The following VPS13B variants were observed in gnomAD, a reference collection of about 807,000 sequenced individuals.
VPS13B encodes the protein vacuolar protein sorting 13 homolog B, also known as intermembrane lipid transfer protein VPS13B.
Under a neutral mutation model 426.4 loss-of-function variants are expected in VPS13B, and 285 were observed. That is an observed-to-expected ratio of 0.67 (90% CI 0.61 to 0.74). The LOEUF (loss-of-function observed/expected upper bound fraction) is 0.74, where lower values mean the gene tolerates loss of function less well. VPS13B is among the 30% of genes least tolerant of loss of function. VPS13B has a pLI of 0.00. For missense variants in VPS13B, 4,537 were observed against 4,782.6 expected, an observed-to-expected ratio of 0.95 and a Z score of 1.51; for synonymous variants, 1,676 against 1,676.4, an observed-to-expected ratio of 1.00 and a Z score of 0.01.
chr8:99,297,803 G>A (rs534048452), intron 19 of VPS13B, among the ~76,000 whole-genome samples: 30 of 152,280 alleles, frequency 2.0e-4, no homozygotes, highest in African/African-American at 7.2e-4. Flanking sequence ...CCACTCAACA[G>A]TGTTTTAAAG....
chr8:99,298,365 G>A lies in VPS13B; in HGVS notation c.2824+23111G>A, dbSNP rs1055751432. On this transcript the variant is annotated intron_variant, in intron 19 of 61. Transcript: ENST00000357162. ...TAACTGGGTGTGGTAGCACATGCCT[G>A]TAATCCCAGCTACTTAGGAAGGCTG... 1.5e-4 allele frequency among the ~76,000 whole-genome samples: 23 copies of A among 152,238 alleles called. 1 individual carries two copies. In the South Asian group the frequency reaches 2.7e-3, roughly 18 times the overall value.
intron 34 of VPS13B, among the ~76,000 whole-genome samples, chr8:99,655,420 C>T (rs1055941603): frequency 6.6e-6 from 1 of 152,196 alleles, no homozygotes; most frequent in Non-Finnish European, 1.5e-5. Flanking sequence ...CCTCTTTATT[C>T]TCCCTTCTCT....
At chr8:99,741,974 C>A (rs1809753521) in intron 39 of VPS13B, among the ~76,000 whole-genome samples, 3 of 152,098 alleles carry the variant, frequency 2.0e-5, no homozygotes, top group Admixed American at 6.5e-5. Context: ...TAACTAAGAT[C>A]AGAGCAGAAC....
chr8:99,875,954 T>G lies in VPS13B; in HGVS notation c.*288T>G, dbSNP rs768680214. On this transcript the variant is annotated 3_prime_UTR_variant, in exon 62 of 62. Transcript: ENST00000357162. ...TTACATCCTTACCTCTAAAAGATAC[T>G]TCAAAGTGACAAAAACGTGTTCCTT... 1 of 441,216 alleles carries G rather than the reference T, an allele frequency of 2.3e-6. No individual in the cohort carries two copies. The highest frequency in any genetic ancestry group is 4.1e-6 in the Non-Finnish European group (1 of 241,550). 27.3% of individuals were successfully genotyped at this position (441,216 alleles called of 1,614,324 possible). A position where few individuals can be genotyped will look rare whatever the true frequency, so the allele number is the denominator to read the frequency against.
intron 43 of VPS13B, among the ~76,000 whole-genome samples, chr8:99,789,605 A>G (rs1208033910): frequency 6.6e-6 from 1 of 152,174 alleles, no homozygotes. Flanking sequence ...ATTAAAACAA[A>G]GATTTTTATA....
intron 3 of VPS13B, among the ~76,000 whole-genome samples, chr8:99,068,526 G>A (rs1440635344): frequency 2.0e-5 from 3 of 152,144 alleles, no homozygotes; most frequent in Admixed American, 6.5e-5. Flanking sequence ...TGCTCCAATG[G>A]CAGAATTGAG....
chr8:99,262,008 A>G (rs892723776), intron 17 of VPS13B, among the ~76,000 whole-genome samples: 2 of 152,124 alleles, frequency 1.3e-5, no homozygotes, highest in African/African-American at 2.4e-5. Flanking sequence ...AAAGAATTAC[A>G]TGTTTGTCAG....
chr8:99,320,269 T>C (rs893394545), intron 19 of VPS13B, among the ~76,000 whole-genome samples: 8 of 152,164 alleles, frequency 5.3e-5, no homozygotes, highest in Non-Finnish European at 1.2e-4. Context: ...TATTTTTTCT[T>C]ATTTATTTAT....
At chr8:99,382,101 G>GT (rs898379806) in intron 19 of VPS13B, among the ~76,000 whole-genome samples, 5 of 151,964 alleles carry the variant, frequency 3.3e-5, no homozygotes, top group African/African-American at 1.2e-4. Context: ...CCCATTGCCT[G>GT]TTTTTTTCAG....
intron 2 of VPS13B, among the ~76,000 whole-genome samples, chr8:99,026,031 C>T (rs953654421): frequency 2.8e-4 from 43 of 151,928 alleles, no homozygotes; most frequent in African/African-American, 9.9e-4. Flanking sequence ...TAATATCTTT[C>T]CTTCTACTAA....
rs116315381 is a variant in VPS13B, at chr8:99,838,753, G to A, written c.9942+3015G>A. ...TACAGTTGTGCTATGTGGGTGTACAGCAGACAAGTTTGAGAGGTCAAGGAG... is the reference window on the plus strand; with the variant it reads ...TACAGTTGTGCTATGTGGGTGTACAACAGACAAGTTTGAGAGGTCAAGGAG... On this transcript the variant is annotated intron_variant, in intron 54 of 61. Coordinates refer to ENST00000357162, the MANE Select transcript of VPS13B (RefSeq NM_152564.5). Among the ~76,000 whole-genome samples, 343 of 152,356 alleles carry A rather than the reference G, an allele frequency of 2.3e-3. 2 individuals are homozygous for A. The highest frequency in any genetic ancestry group is 8.0e-3 in the African/African-American group (333 of 41,596).
rs771282556 is a variant in VPS13B, at chr8:99,577,556, G to T, written c.5143G>T (p.Val1715Leu). 1 of 1,613,894 alleles carries T rather than the reference G, an allele frequency of 6.2e-7. No individual in the cohort carries two copies. Among genetic ancestry groups the T allele is most frequent in the Non-Finnish European group, 8.5e-7 (1 of 1,179,802 alleles). ...ITTNLDFFLS[V>L]AQVQLLHQLI... ...CACAAACCTGGACTTCTTCCTAAGT[G>T]TGGCTCAAGTTCAACTCTTACATCA... Residue 1715 changes from valine to leucine, a missense_variant, in exon 33 of 62, where the codon GTG (valine) becomes TTG (leucine). Around this residue, in one of 2 missense-constraint regions of VPS13B, gnomAD observed 4,311 missense variants for 4,474.3 expected, o/e 0.96. Transcript: ENST00000357162.
At chr8:99,034,272 C>T (rs28739504) in intron 2 of VPS13B, among the ~76,000 whole-genome samples, 112,809 of 152,106 alleles carry the variant, frequency 0.74, 42,486 homozygotes, top group South Asian at 0.87. Context: ...CTAGGAATTT[C>T]GCTGGGTTAC....
chr8:99,621,696 T>A (rs1828355418), intron 33 of VPS13B, among the ~76,000 whole-genome samples: 1 of 152,144 alleles, frequency 6.6e-6, no homozygotes, highest in African/African-American at 2.4e-5. Flanking sequence ...TAGAAAGGCA[T>A]GGGCAGAAAG....
intron 21 of VPS13B, among the ~76,000 whole-genome samples, chr8:99,410,116 C>A (rs950786039): frequency 2.0e-5 from 3 of 152,084 alleles, no homozygotes; most frequent in African/African-American, 7.2e-5. Context: ...CCAACTGTAT[C>A]TCTAAAGCTA....
chr8:99,861,091 T>C (rs1816808161), intron 57 of VPS13B, among the ~76,000 whole-genome samples: 1 of 152,222 alleles, frequency 6.6e-6, no homozygotes, highest in Non-Finnish European at 1.5e-5. Context: ...CCCTTTAAAA[T>C]CACAGCAGGC....
In VPS13B at chr8:99,656,858, T is replaced by A. The variant is rs540937080; in HGVS notation, c.5909-4496T>A. 3.9e-5 allele frequency among the ~76,000 whole-genome samples: 6 copies of A among 152,270 alleles called. No individual in the cohort carries two copies. In the South Asian group the frequency reaches 1.0e-3, roughly 26 times the overall value. On this transcript the variant is annotated intron_variant, in intron 34 of 61. Coordinates refer to ENST00000357162, the MANE Select transcript of VPS13B (RefSeq NM_152564.5). ...CTACAGGCATATGCGAAGTAGAGAG[T>A]TTAGCAAAAACTGGGAAAAGGGCCA...
chr8:99,467,485 C>A lies in VPS13B; in HGVS notation c.3517C>A (p.Leu1173Ile). The A allele has an allele frequency of 6.2e-7, 1 of 1,613,796 alleles. No homozygotes were observed. Among genetic ancestry groups the A allele is most frequent in the Non-Finnish European group, 8.5e-7 (1 of 1,179,778 alleles). The change falls in exon 24 of 62, where the codon CTT becomes ATT. Residue 1173 changes from leucine (L) to isoleucine (I), a missense_variant. Physicochemically the swap from Leu to Ile is conservative, Grantham distance 5. Coordinates refer to ENST00000357162, the MANE Select transcript of VPS13B (RefSeq NM_152564.5). ...IYTLLGKQVT[L>I]CLVEPMGCTS... ...TACCCTTCTTGGAAAACAAGTGACA[C>A]TTTGCCTAGTGGAACCTATGGGTTG...
At chr8:99,692,383 A>G (rs1409696944) in intron 35 of VPS13B, among the ~76,000 whole-genome samples, 1 of 139,378 alleles carries the variant, frequency 7.2e-6, no homozygotes, top group Admixed American at 7.3e-5. Context: ...CTCAGGATTA[A>G]GAATCTCACT....
Sources: allele counts gnomAD v4.1 joint callset (sites outside exome capture counted in the v4.1 genomes callset), GRCh38; gene constraint gnomAD v4.1.1; regional missense constraint gnomAD v4.1.1; transcripts MANE v1.5; gene names NCBI Gene and HGNC (gene_info 2026-07-23, HGNC 2026-07-21).